PRKAR1B: variants seen among roughly 807,000 people sequenced by gnomAD.
PRKAR1B encodes cAMP-dependent protein kinase type I-beta regulatory subunit.
Under a neutral mutation model 46.5 loss-of-function variants are expected in PRKAR1B, and 22 were observed. That is an observed-to-expected ratio of 0.47 (90% CI 0.34 to 0.68). PRKAR1B has a LOEUF of 0.68. PRKAR1B is among the 30% of genes least tolerant of loss of function. The pLI is 0.01. For synonymous variants in PRKAR1B, 259 were observed against 217.7 expected (o/e 1.19, Z -1.67); for missense variants, 445 against 535.6 (o/e 0.83, Z 1.67).
intron 2 of PRKAR1B, among the ~76,000 whole-genome samples, chr7:694,239 C>T (rs973663129): frequency 6.6e-6 from 1 of 152,064 alleles, no homozygotes; most frequent in Non-Finnish European, 1.5e-5. Context: ...GAGCTGAAAT[C>T]GCACCACTGC....
At chr7:614,138 A>G (rs1021809030) in intron 4 of PRKAR1B, among the ~76,000 whole-genome samples, 1 of 152,262 alleles carries the variant, frequency 6.6e-6, no homozygotes, top group African/African-American at 2.4e-5. Context: ...GGACAGGCCA[A>G]CGCAGGGCTG....
chr7:653,538 G>A (rs1785023351), intron 4 of PRKAR1B, among the ~76,000 whole-genome samples: 2 of 152,186 alleles, frequency 1.3e-5, no homozygotes, highest in South Asian at 4.1e-4. Flanking sequence ...AGGGGCCTCA[G>A]GAACTGTCCT....
chr7:630,811 C>T (rs1783691608), intron 4 of PRKAR1B, among the ~76,000 whole-genome samples: 1 of 152,156 alleles, frequency 6.6e-6, no homozygotes, highest in Non-Finnish European at 1.5e-5. Context: ...AGCACACCCC[C>T]CCCACCATCT....
chr7:709,761 G>A (rs1381614694), intron 2 of PRKAR1B, among the ~76,000 whole-genome samples: 1 of 151,950 alleles, frequency 6.6e-6, no homozygotes, highest in African/African-American at 2.4e-5. Flanking sequence ...TCAAACTCCT[G>A]GGCTCAAGTG....
At chr7:569,614 G>A (rs1423986212) in intron 9 of PRKAR1B, among the ~76,000 whole-genome samples, 2 of 152,228 alleles carry the variant, frequency 1.3e-5, no homozygotes, top group Admixed American at 6.5e-5. Flanking sequence ...CAAGAGGGAT[G>A]TGGGTCAGAG....
At position 711,485 on chromosome 7, in the gene PRKAR1B, G is replaced by A. The variant is rs1399290707; in HGVS notation, c.21C>T (p.Cys7=). 6.2e-7 allele frequency: 1 copy of A among 1,613,472 alleles called. No homozygotes were observed. Among genetic ancestry groups the A allele is most frequent in the Non-Finnish European group, 8.5e-7 (1 of 1,179,792 alleles). Residue 7 remains cysteine, a synonymous_variant, in exon 2 of 11, where the codon TGC becomes TGT. Coordinates refer to ENST00000537384, the MANE Select transcript of PRKAR1B (RefSeq NM_001164760.2). MASPPA[C]PSEEDESLKG... is the part of the protein sequence containing the mutation. ...TCAGGCTCTCGTCCTCCTCCGAGGG[G>A]CAGGCGGGCGGGGAGGCCATGGCGA...
chr7:639,944 C>T (rs1261585773), intron 4 of PRKAR1B, among the ~76,000 whole-genome samples: 2 of 151,900 alleles, frequency 1.3e-5, no homozygotes, highest in African/African-American at 2.4e-5. Context: ...GTGGGCGGAT[C>T]ACAAGGTCAG....
intron 1 of PRKAR1B, chr7:712,883 C>G (rs139010746): frequency 3.1e-3 from 480 of 152,416 alleles, no homozygotes; most frequent in Middle Eastern, 6.7e-3. Flanking sequence ...TGCAGGACAC[C>G]CGGTACCCAG....
intron 4 of PRKAR1B, among the ~76,000 whole-genome samples, chr7:610,824 G>A (rs563906496): frequency 1.8e-4 from 27 of 152,368 alleles, no homozygotes; most frequent in Non-Finnish European, 2.9e-4. Context: ...GGAAGGTTAC[G>A]TGAAGCTGCT....
chr7:564,029 C>T (rs916797341), intron 9 of PRKAR1B, among the ~76,000 whole-genome samples: 1 of 152,094 alleles, frequency 6.6e-6, no homozygotes, highest in Non-Finnish European at 1.5e-5. Flanking sequence ...AATTCAGCAG[C>T]CCCCCTCTGC....
intron 4 of PRKAR1B, among the ~76,000 whole-genome samples, chr7:641,408 A>G (rs1331704330): frequency 6.6e-6 from 1 of 152,178 alleles, no homozygotes; most frequent in Non-Finnish European, 1.5e-5. Flanking sequence ...AACACAAATG[A>G]TGCCGCATTG....
At chr7:727,352 A>G (rs1357420896), upstream of PRKAR1B, 180 of 973,944 alleles carry the variant, frequency 1.8e-4, no homozygotes, top group Non-Finnish European at 2.0e-4. Context: ...ACGCCACCCC[A>G]CACTCTCACC....
At chr7:681,424 C>G (rs1359544367) in intron 2 of PRKAR1B, among the ~76,000 whole-genome samples, 1 of 151,682 alleles carries the variant, frequency 6.6e-6, no homozygotes, top group East Asian at 1.9e-4. Flanking sequence ...TTTTGTGAGA[C>G]ATTAAAAAAT....
chr7:578,045 C>T (rs377104303), intron 9 of PRKAR1B, among the ~76,000 whole-genome samples: 261 of 152,338 alleles, frequency 1.7e-3, no homozygotes, highest in Non-Finnish European at 3.3e-3. Context: ...GGCGGGAGCG[C>T]CCGGGTGTTG....
At chr7:698,097 G>A in intron 2 of PRKAR1B, among the ~76,000 whole-genome samples, 1 of 133,940 alleles carries the variant, frequency 7.5e-6, no homozygotes, top group African/African-American at 2.7e-5. Flanking sequence ...GGAGGGGAGG[G>A]AAGGGAATTA....
intron 4 of PRKAR1B, among the ~76,000 whole-genome samples, chr7:630,167 A>ACCCCCACCT (rs1335217452): frequency 1.3e-5 from 2 of 152,090 alleles, no homozygotes; most frequent in Non-Finnish European, 2.9e-5. Context: ...AGCCAGGCAC[A>ACCCCCACCT]CCCCCACCTC....
chr7:605,459 G>A (rs1372544560), intron 6 of PRKAR1B, among the ~76,000 whole-genome samples: 1 of 152,224 alleles, frequency 6.6e-6, no homozygotes, highest in East Asian at 1.9e-4. Flanking sequence ...GGGAGCCAGA[G>A]GCTCTGGGCA....
intron 1 of PRKAR1B, chr7:712,788 G>A (rs1475796067): frequency 6.7e-6 from 1 of 150,302 alleles, no homozygotes; most frequent in African/African-American, 2.5e-5. Context: ...GCCTCTGATG[G>A]CCTGGGCACC....
At chr7:620,347 C>T (rs901144071) in intron 4 of PRKAR1B, among the ~76,000 whole-genome samples, 1 of 152,136 alleles carries the variant, frequency 6.6e-6, no homozygotes, top group Non-Finnish European at 1.5e-5. Context: ...AAACTTCCTC[C>T]CTAGAGTCTT....
Sources: allele counts gnomAD v4.1 joint callset (sites outside exome capture counted in the v4.1 genomes callset), GRCh38; gene constraint gnomAD v4.1.1; transcripts MANE v1.5; gene names NCBI Gene and HGNC (gene_info 2026-07-23, HGNC 2026-07-21).